Variants in LRRTM4 observed in about 807,000 individuals in gnomAD.
The protein encoded by LRRTM4 is leucine rich repeat transmembrane neuronal 4, also known as leucine-rich repeat transmembrane neuronal protein 4.
A neutral mutation model predicts 47.6 loss-of-function variants in LRRTM4; 25 were observed. The ratio of observed to expected loss-of-function variants is 0.53; its 90% CI spans 0.38 to 0.73. The LOEUF (loss-of-function observed/expected upper bound fraction) is 0.73. Among genes scored for constraint, LRRTM4 ranks in the 30% least tolerant of loss-of-function variants. LRRTM4 has a pLI of 0.00. For missense variants in LRRTM4, 638 were observed against 713.4 expected (o/e 0.89, Z 1.20); for synonymous variants, 311 against 269.5 (o/e 1.15, Z -1.51).
chr2:77,140,824 T>C (rs539753105), intron 3 of LRRTM4, among the ~76,000 whole-genome samples: 152 of 152,160 alleles, frequency 1.0e-3, no homozygotes, highest in Non-Finnish European at 1.8e-3. Flanking sequence ...TATGAACAGA[T>C]ACTTCTCAAA....
At chr2:77,475,094 A>G (rs983877811) in intron 3 of LRRTM4, among the ~76,000 whole-genome samples, 5 of 152,076 alleles carry the variant, frequency 3.3e-5, no homozygotes, top group African/African-American at 1.2e-4. Context: ...TGTGACCAGG[A>G]TAGAAAATGT....
chr2:76,784,649 A>G (rs1034710104), intron 3 of LRRTM4, among the ~76,000 whole-genome samples: 5 of 152,084 alleles, frequency 3.3e-5, no homozygotes, highest in African/African-American at 1.2e-4. Context: ...GAAATGATCA[A>G]TGTAATGTTC....
chr2:77,277,199 T>C (rs1480107058), intron 3 of LRRTM4, among the ~76,000 whole-genome samples: 3 of 152,030 alleles, frequency 2.0e-5, no homozygotes, highest in Non-Finnish European at 1.5e-5. Flanking sequence ...CAAAACCAAT[T>C]ACAGATAGTT....
intron 3 of LRRTM4, among the ~76,000 whole-genome samples, chr2:76,979,506 T>G (rs563062645): frequency 6.7e-6 from 1 of 148,294 alleles, no homozygotes; most frequent in South Asian, 2.1e-4. Context: ...GCACAGACAA[T>G]GCATATCTAA....
chr2:77,430,540 G>A (rs1198143471), intron 3 of LRRTM4, among the ~76,000 whole-genome samples: 5 of 151,634 alleles, frequency 3.3e-5, no homozygotes, highest in South Asian at 4.2e-4. Context: ...TGACCAACAC[G>A]GAGAAACCCT....
chr2:76,911,917 G>C (rs1307893375), intron 3 of LRRTM4, among the ~76,000 whole-genome samples: 1 of 127,768 alleles, frequency 7.8e-6, no homozygotes, highest in African/African-American at 3.1e-5. Flanking sequence ...CAAAGAGTGA[G>C]TTGTGGTATG....
At chr2:77,306,727 T>C (rs1305775092) in intron 3 of LRRTM4, among the ~76,000 whole-genome samples, 2 of 151,692 alleles carry the variant, frequency 1.3e-5, no homozygotes, top group Non-Finnish European at 2.9e-5. Context: ...AAATATGCTG[T>C]TTTTCCTCCT....
intron 3 of LRRTM4, among the ~76,000 whole-genome samples, chr2:77,068,180 T>A (rs1029839503): frequency 6.6e-6 from 1 of 152,172 alleles, no homozygotes; most frequent in African/African-American, 2.4e-5. Flanking sequence ...AATTTCAAAT[T>A]GTTTAAAATA....
Position 77,390,245 on chromosome 2 carries a change from TAAAC to T in LRRTM4, c.1551+128069_1551+128072del, listed in dbSNP as rs1253864572. 8.5e-5 allele frequency among the ~76,000 whole-genome samples: 13 copies of T among 152,174 alleles called. No homozygotes were observed. The East Asian group carries it at 2.1e-3, about 25-fold the overall frequency. Reference sequence around the variant, plus strand: ...GTGTGTGCTGTACTGCATTGGAAGATAAACAACATTTAAACACTATGGAGAGAGT... The same window carrying T: ...GTGTGTGCTGTACTGCATTGGAAGATAACATTTAAACACTATGGAGAGAGT... On this transcript the variant is annotated intron_variant, in intron 3 of 3. Coordinates refer to ENST00000409884, the MANE Select transcript of LRRTM4 (RefSeq NM_001134745.3).
intron 3 of LRRTM4, among the ~76,000 whole-genome samples, chr2:77,272,606 G>A (rs894036203): frequency 2.0e-5 from 3 of 152,160 alleles, no homozygotes; most frequent in Admixed American, 2.0e-4. Context: ...CCCCTCTAAA[G>A]CTCATGAAGA....
At chr2:76,935,887 G>C (rs1674929309) in intron 3 of LRRTM4, among the ~76,000 whole-genome samples, 1 of 152,122 alleles carries the variant, frequency 6.6e-6, no homozygotes, top group Non-Finnish European at 1.5e-5. Flanking sequence ...TGTTGAATAG[G>C]AGTGGTGAGA....
At chr2:76,834,450 T>A (rs1306376075) in intron 3 of LRRTM4, among the ~76,000 whole-genome samples, 2 of 152,090 alleles carry the variant, frequency 1.3e-5, no homozygotes, top group Non-Finnish European at 2.9e-5. Context: ...TATTCTTCAA[T>A]GAGAATAGCT....
At chr2:77,062,883 G>A (rs1010817418) in intron 3 of LRRTM4, among the ~76,000 whole-genome samples, 2 of 151,850 alleles carry the variant, frequency 1.3e-5, no homozygotes, top group East Asian at 1.9e-4. Flanking sequence ...GCAAATTGTA[G>A]GATTCAAACA....
At chr2:77,468,572 C>T (rs894341143) in intron 3 of LRRTM4, among the ~76,000 whole-genome samples, 3 of 152,168 alleles carry the variant, frequency 2.0e-5, no homozygotes, top group Non-Finnish European at 4.4e-5. Context: ...ATGGAGCAGA[C>T]AGACATGTCA....
In LRRTM4 at chr2:77,136,093, G is replaced by T. The variant is rs534774860; in HGVS notation, c.1551+382225C>A. Among the ~76,000 whole-genome samples, 16 of 152,254 alleles carry T rather than the reference G, an allele frequency of 1.1e-4. 2 individuals are homozygous for T. The highest frequency in any genetic ancestry group is 3.1e-4 in the African/African-American group (13 of 41,558). Reference sequence around the variant, plus strand: ...AGCCTGAGTGACGCAGAAGATGGGTGATTTCTGCATTTCCAACTGAGCTTT... The same window carrying T: ...AGCCTGAGTGACGCAGAAGATGGGTTATTTCTGCATTTCCAACTGAGCTTT... On this transcript the variant is annotated intron_variant, in intron 3 of 3. Transcript: ENST00000409884.
In LRRTM4 at chr2:76,974,141, C is replaced by T. The variant is rs12713884; in HGVS notation, c.1552-225225G>A. Among the ~76,000 whole-genome samples, 110 of 82,368 alleles carry T rather than the reference C, an allele frequency of 1.3e-3. 1 individual carries two copies. Among genetic ancestry groups the T allele is most frequent in the African/African-American group, 5.6e-3 (62 of 11,060 alleles). 54.0% of individuals were successfully genotyped at this position (82,368 alleles called of 152,430 possible). The stretch of plus-strand genomic sequence containing the variant: ...ATTAACACATTTGCTCATATATATA[C>T]ATATATATACATACATATATATATA... On this transcript the variant is annotated intron_variant, in intron 3 of 3. Transcript: ENST00000409884.
chr2:77,214,090 G>A (rs936343855), intron 3 of LRRTM4, among the ~76,000 whole-genome samples: 6 of 152,258 alleles, frequency 3.9e-5, no homozygotes, highest in African/African-American at 1.4e-4. Context: ...ATGAAAACCT[G>A]ATTTTGTTCT....
chr2:77,326,189 A>G (rs1670767611), intron 3 of LRRTM4, among the ~76,000 whole-genome samples: 1 of 152,168 alleles, frequency 6.6e-6, no homozygotes, highest in Admixed American at 6.5e-5. Flanking sequence ...CTCACTTTTA[A>G]TCAAATTTAA....
intron 3 of LRRTM4, among the ~76,000 whole-genome samples, chr2:77,048,591 C>T (rs1396031600): frequency 6.6e-6 from 1 of 151,856 alleles, no homozygotes; most frequent in African/African-American, 2.4e-5. Context: ...AATACATTTA[C>T]TTTTGAAACC....
Sources: gnomAD v4.1 joint callset for allele counts (sites outside exome capture counted in the v4.1 genomes callset) on GRCh38, gnomAD v4.1.1 for gene constraint, MANE v1.5 for transcripts, NCBI Gene and HGNC (gene_info 2026-07-23, HGNC 2026-07-21) for gene names.